Variants in VPS13B observed in about 807,000 individuals in gnomAD.
VPS13B encodes the protein intermembrane lipid transfer protein VPS13B.
A neutral mutation model predicts 426.4 loss-of-function variants in VPS13B; 285 were observed. That is an observed-to-expected ratio of 0.67 (90% confidence interval 0.61 to 0.74). The LOEUF (loss-of-function observed/expected upper bound fraction) is 0.74, where lower values mean the gene tolerates loss of function less well. Among genes scored for constraint, VPS13B ranks in the 30% least tolerant of loss-of-function variants. The pLI, the probability that VPS13B is intolerant of heterozygous loss-of-function variation, is 0.00. For synonymous variants in VPS13B, 1,676 were observed against 1,676.4 expected, an observed-to-expected ratio of 1.00 and a Z score of 0.01; for missense variants, 4,537 against 4,782.6, an observed-to-expected ratio of 0.95 and a Z score of 1.51.
chr8:99,539,418 C>G (rs1823437893), intron 30 of VPS13B, among the ~76,000 whole-genome samples: 1 of 151,966 alleles, frequency 6.6e-6, no homozygotes, highest in African/African-American at 2.4e-5. Flanking sequence ...ATATGAATTG[C>G]AGACAGAGTA....
chr8:99,018,284 G>A (rs1587919263), intron 2 of VPS13B, among the ~76,000 whole-genome samples: 3 of 152,168 alleles, frequency 2.0e-5, no homozygotes, highest in Admixed American at 2.0e-4. Flanking sequence ...TACTTGGGAC[G>A]CTGGGGCACA....
At chr8:99,702,476 C>T (rs78062509) in intron 36 of VPS13B, among the ~76,000 whole-genome samples, 3,042 of 152,204 alleles carry the variant, frequency 0.02, 110 homozygotes, top group African/African-American at 0.07. Context: ...TGGTACAGTA[C>T]AGCCATCTGC....
intron 25 of VPS13B, among the ~76,000 whole-genome samples, chr8:99,495,894 G>T (rs959665048): frequency 6.6e-6 from 1 of 152,138 alleles, no homozygotes; most frequent in East Asian, 1.9e-4. Context: ...CGGTTGAGGC[G>T]TCTGGTGAGT....
At chr8:99,807,284 A>G (rs1188514434) in intron 43 of VPS13B, among the ~76,000 whole-genome samples, 3 of 152,238 alleles carry the variant, frequency 2.0e-5, no homozygotes, top group Admixed American at 6.5e-5. Context: ...GTGAGCAGCT[A>G]TCTAAAACTG....
intron 23 of VPS13B, among the ~76,000 whole-genome samples, chr8:99,456,341 G>T (rs544489034): frequency 1.6e-4 from 25 of 152,034 alleles, no homozygotes; most frequent in Admixed American, 1.5e-3. Context: ...GCTAATTTTT[G>T]TATTTTTATT....
rs1165478921 is a variant in VPS13B, at chr8:99,507,127, T to C, written c.4158-10T>C. The C allele has an allele frequency of 2.5e-6, 4 of 1,613,860 alleles. No individual in the cohort carries two copies. Among genetic ancestry groups the C allele is most frequent in the East Asian group, 2.2e-5 (1 of 44,858 alleles). On this transcript the variant is annotated splice_polypyrimidine_tract_variant and intron_variant, in intron 27 of 61. Coordinates refer to ENST00000357162, the MANE Select transcript of VPS13B (RefSeq NM_152564.5). Reference sequence around the variant, plus strand: ...GAAGAGAACAGATAAGGTGAACTTATGTTTTCCAGGCCAGGGGAAGGTTGG... The same window carrying C: ...GAAGAGAACAGATAAGGTGAACTTACGTTTTCCAGGCCAGGGGAAGGTTGG...
At chr8:99,858,366 GCTT>G (rs1388099585) in intron 56 of VPS13B, among the ~76,000 whole-genome samples, 3 of 152,236 alleles carry the variant, frequency 2.0e-5, no homozygotes, top group Non-Finnish European at 4.4e-5. Flanking sequence ...TGGCAGGCCA[GCTT>G]CTGGCCAGCC....
intron 17 of VPS13B, among the ~76,000 whole-genome samples, chr8:99,230,061 C>G (rs1217649085): frequency 6.6e-6 from 1 of 152,072 alleles, no homozygotes; most frequent in Non-Finnish European, 1.5e-5. Context: ...TTCTGTGTTT[C>G]TGTAGTAACT....
At chr8:99,191,042 T>C (rs988480119) in intron 16 of VPS13B, among the ~76,000 whole-genome samples, 1 of 150,494 alleles carries the variant, frequency 6.6e-6, no homozygotes, top group African/African-American at 2.5e-5. Flanking sequence ...TTTTGAAAGT[T>C]TTTTTTTTCC....
chr8:99,341,744 A>T, intron 19 of VPS13B: 2 of 394,284 alleles, frequency 5.1e-6, no homozygotes, highest in Non-Finnish European at 1.1e-5. Flanking sequence ...TGTCTTTCCC[A>T]CCAATAACAT....
intron 43 of VPS13B, among the ~76,000 whole-genome samples, chr8:99,804,709 G>A (rs1813299932): frequency 6.6e-6 from 1 of 152,048 alleles, no homozygotes; most frequent in Admixed American, 6.6e-5. Flanking sequence ...TAAAATAAAT[G>A]GGCCGGGTTC....
At chr8:99,162,660 C>T (rs888901865) in intron 15 of VPS13B, among the ~76,000 whole-genome samples, 10 of 151,852 alleles carry the variant, frequency 6.6e-5, no homozygotes, top group East Asian at 3.8e-4. Context: ...TCGTTCCTCC[C>T]GGTGGGCTCA....
At chr8:99,572,372 A>T (rs1015639375) in intron 31 of VPS13B, among the ~76,000 whole-genome samples, 7 of 152,150 alleles carry the variant, frequency 4.6e-5, no homozygotes, top group Non-Finnish European at 2.9e-5. Context: ...CAGGTTTGTT[A>T]CATATGTATA....
chr8:99,034,045 G>A (rs1842632384), intron 2 of VPS13B, among the ~76,000 whole-genome samples: 1 of 152,136 alleles, frequency 6.6e-6, no homozygotes, highest in Non-Finnish European at 1.5e-5. Context: ...TGTACACTTT[G>A]CATGTGTCAT....
At chr8:99,605,428 C>A (rs747405245) in intron 33 of VPS13B, among the ~76,000 whole-genome samples, 5 of 151,994 alleles carry the variant, frequency 3.3e-5, no homozygotes, top group Non-Finnish European at 7.4e-5. Context: ...TGAGTCTAAA[C>A]ACTCTATTCT....
intron 33 of VPS13B, among the ~76,000 whole-genome samples, chr8:99,621,365 A>G (rs1300867029): frequency 6.6e-6 from 1 of 152,148 alleles, no homozygotes; most frequent in Admixed American, 6.5e-5. Flanking sequence ...AATAGTTAGG[A>G]CAAGATCTTG....
intron 55 of VPS13B, among the ~76,000 whole-genome samples, chr8:99,849,138 A>G (rs549293916): frequency 1.1e-4 from 17 of 152,346 alleles, no homozygotes; most frequent in South Asian, 6.2e-4. Context: ...TTTACAAACT[A>G]TGCATCTTGG....
rs146398975 is a variant in VPS13B at position 99,500,733 on chromosome 8, G to A, written c.3871-954G>A. Among the ~76,000 whole-genome samples, 951 of 152,236 alleles carry A rather than the reference G, an allele frequency of 6.2e-3. 7 individuals carry two copies. Among genetic ancestry groups the A allele is most frequent in the African/African-American group, 0.021 (893 of 41,568 alleles). Reference sequence around the variant, plus strand: ...TAAGCTCGCAAGTTTTGTTTGCAAGGTTTAAACGGACAGCAAAGTTTGGGA... The same window carrying A: ...TAAGCTCGCAAGTTTTGTTTGCAAGATTTAAACGGACAGCAAAGTTTGGGA... On this transcript the variant is annotated intron_variant, in intron 25 of 61. Coordinates refer to ENST00000357162, the MANE Select transcript of VPS13B (RefSeq NM_152564.5).
chr8:99,575,161 G>A (rs925953197), intron 31 of VPS13B, among the ~76,000 whole-genome samples: 4 of 151,678 alleles, frequency 2.6e-5, no homozygotes, highest in Admixed American at 2.6e-4. Flanking sequence ...GCAAGACCTT[G>A]TCTTAAAAAA....
Sources: gnomAD v4.1 joint callset for allele counts (sites outside exome capture counted in the v4.1 genomes callset) on GRCh38, gnomAD v4.1.1 for gene constraint, MANE v1.5 for transcripts, NCBI Gene and HGNC (gene_info 2026-07-23, HGNC 2026-07-21) for gene names.